The following APLF variants were observed in gnomAD, a reference collection of about 807,000 sequenced individuals.
APLF encodes aprataxin and PNK-like factor.
Under a neutral mutation model 55.6 loss-of-function variants are expected in APLF, and 61 were observed. That is an observed-to-expected ratio of 1.10 (90% CI 0.89 to 1.36). The LOEUF (loss-of-function observed/expected upper bound fraction) is 1.36. Ranked by LOEUF, APLF falls within the 40% of genes most tolerant of loss-of-function variation. The pLI is 0.00. For synonymous variants in APLF, 207 were observed against 214.8 expected, an observed-to-expected ratio of 0.96 and a Z score of 0.32; for missense variants, 611 against 602.5, an observed-to-expected ratio of 1.01 and a Z score of -0.15.
intron 1 of APLF, among the ~76,000 whole-genome samples, chr2:68,471,690 G>T (rs1675621936): frequency 6.6e-6 from 1 of 152,062 alleles, no homozygotes; most frequent in Non-Finnish European, 1.5e-5. Context: ...GTGTCATATT[G>T]TTTTTTTAAG....
intron 5 of APLF, among the ~76,000 whole-genome samples, chr2:68,524,535 TGAG>T (rs1262315910): frequency 3.9e-5 from 6 of 152,256 alleles, no homozygotes; most frequent in African/African-American, 1.4e-4. Flanking sequence ...AAGGCAGAGT[TGAG>T]TAGTAGTGAC....
intron 1 of APLF, among the ~76,000 whole-genome samples, chr2:68,476,367 C>G (rs1004655649): frequency 6.6e-6 from 1 of 151,164 alleles, no homozygotes; most frequent in Non-Finnish European, 1.5e-5. Context: ...CCTGTAATCT[C>G]AGCTACTTGG....
chr2:68,572,052 C>G (rs1671484457), intron 9 of APLF, among the ~76,000 whole-genome samples: 1 of 149,778 alleles, frequency 6.7e-6, no homozygotes, highest in Admixed American at 6.6e-5. Context: ...CTTATATATA[C>G]TTTTTTATTC....
At chr2:68,496,570 T>C (rs1035445775) in intron 2 of APLF, among the ~76,000 whole-genome samples, 2 of 152,262 alleles carry the variant, frequency 1.3e-5, no homozygotes, top group Admixed American at 6.5e-5. Flanking sequence ...GTTGCAACTT[T>C]AAGTCATTTC....
chr2:68,543,670 A>G (rs182163959), intron 7 of APLF, among the ~76,000 whole-genome samples: 3 of 152,338 alleles, frequency 2.0e-5, no homozygotes, highest in African/African-American at 7.2e-5. Flanking sequence ...TATAGAAGTC[A>G]ATACCTGAAA....
At chr2:68,525,933 A>G in intron 5 of APLF, 128 bp from the exon 6 acceptor site, 1 of 836,276 alleles carries the variant, frequency 1.2e-6, no homozygotes, top group Non-Finnish European at 1.8e-6. Flanking sequence ...TATTTTCAGT[A>G]GAGACCGGGT....
intron 2 of APLF, among the ~76,000 whole-genome samples, chr2:68,490,687 AACTTCG>A (rs1676330478): frequency 6.6e-6 from 1 of 152,234 alleles, no homozygotes; most frequent in Non-Finnish European, 1.5e-5. Context: ...GACTTTGTTC[AACTTCG>A]AGGTTTGAAA....
intron 2 of APLF, among the ~76,000 whole-genome samples, chr2:68,494,812 G>C (rs1558531347): frequency 1.3e-5 from 2 of 152,050 alleles, no homozygotes; most frequent in Non-Finnish European, 2.9e-5. Context: ...CTCCATCCAT[G>C]TCCCTTCAAA....
intron 5 of APLF, among the ~76,000 whole-genome samples, chr2:68,518,768 T>G (rs1405225095): frequency 1.1e-3 from 123 of 110,536 alleles, no homozygotes; most frequent in Middle Eastern, 0.013. Context: ...AAAATATTAA[T>G]AATATATCAT....
Position 68,572,561 on chromosome 2 carries a change from TGTG to T in APLF, c.1333+5179_1333+5181del, listed in dbSNP as rs1236986812. Among the ~76,000 whole-genome samples, 3 of 152,304 alleles carry T rather than the reference TGTG, an allele frequency of 2.0e-5. No individual in the cohort carries two copies. The East Asian group carries it at 5.8e-4, about 29-fold the overall frequency. ...GGTAAAAATCTGCAGTTTGGCTGGG[TGTG>T]GTGGCTCATGCCTATAATCCCAGCA... is the stretch of plus-strand genomic sequence containing the variant. On this transcript the variant is annotated intron_variant, in intron 9 of 9. Coordinates refer to ENST00000303795, the MANE Select transcript of APLF (RefSeq NM_173545.3).
chr2:68,532,130 T>C (rs1670275568), intron 6 of APLF, among the ~76,000 whole-genome samples: 1 of 152,122 alleles, frequency 6.6e-6, no homozygotes, highest in African/African-American at 2.4e-5. Flanking sequence ...CCAGTTTGAG[T>C]CTGAACACTG....
At chr2:68,569,355 G>A (rs1486360043) in intron 9 of APLF, among the ~76,000 whole-genome samples, 1 of 152,088 alleles carries the variant, frequency 6.6e-6, no homozygotes, top group Non-Finnish European at 1.5e-5. Flanking sequence ...CCTTTAAGAT[G>A]GTAGGATTTC....
intron 8 of APLF, among the ~76,000 whole-genome samples, chr2:68,554,706 G>C (rs1212774389): frequency 6.6e-6 from 1 of 151,056 alleles, no homozygotes; most frequent in Admixed American, 6.6e-5. Flanking sequence ...CTTGATTGCT[G>C]TTGGTGTATA....
intron 2 of APLF, among the ~76,000 whole-genome samples, chr2:68,494,277 C>CA (rs59466460): frequency 0.11 from 5,408 of 49,086 alleles, 384 homozygotes; most frequent in South Asian, 0.13. Flanking sequence ...GACCCCGTCT[C>CA]AAAAAAAAAA....
intron 1 of APLF, among the ~76,000 whole-genome samples, chr2:68,470,286 A>C (rs889069654): frequency 6.6e-6 from 1 of 152,242 alleles, no homozygotes; most frequent in Non-Finnish European, 1.5e-5. Context: ...TGGAGAACAG[A>C]TTAGTGGTTG....
intron 1 of APLF, among the ~76,000 whole-genome samples, chr2:68,478,524 A>G (rs1675852036): frequency 6.6e-6 from 1 of 152,240 alleles, no homozygotes; most frequent in Non-Finnish European, 1.5e-5. Flanking sequence ...AAAGCTCGAG[A>G]ATTTAATGCC....
intron 8 of APLF, among the ~76,000 whole-genome samples, chr2:68,561,754 C>T (rs1399411312): frequency 6.6e-6 from 1 of 152,008 alleles, no homozygotes; most frequent in Non-Finnish European, 1.5e-5. Flanking sequence ...TATCTTTAAC[C>T]TGATAAGAAT....
rs578148030 is a variant in APLF, at chr2:68,478,529, A to G, written c.96+10702A>G. Among the ~76,000 whole-genome samples the G allele has an allele frequency of 5.3e-5, 8 of 152,352 alleles. No individual in the cohort carries two copies. The South Asian group carries it at 1.7e-3, about 32-fold the overall frequency. On this transcript the variant is annotated intron_variant, in intron 1 of 9. Transcript: ENST00000303795. ...TAAAAGATCTAAAGCTCGAGAATTT[A>G]ATGCCAACAAAGAATGGTTTAATAA...
At chr2:68,510,224 AT>A (rs770125153) in intron 3 of APLF, among the ~76,000 whole-genome samples, 25 of 152,102 alleles carry the variant, frequency 1.6e-4, no homozygotes, top group Non-Finnish European at 3.1e-4. Flanking sequence ...TAATAAAAAA[AT>A]AATAATATAC....
Sources: allele counts gnomAD v4.1 joint callset (sites outside exome capture counted in the v4.1 genomes callset), GRCh38; gene constraint gnomAD v4.1.1; transcripts MANE v1.5; gene names NCBI Gene and HGNC (gene_info 2026-07-23, HGNC 2026-07-21).